ADAP1: variants seen among roughly 807,000 people sequenced by gnomAD.
ADAP1 encodes the protein ArfGAP with dual PH domains 1.
In ADAP1, 31 loss-of-function variants were observed where a neutral mutation model predicts 54.9. That is an observed-to-expected ratio of 0.56 (90% confidence interval 0.42 to 0.76). The LOEUF (loss-of-function observed/expected upper bound fraction) is 0.76. Ranked by LOEUF, ADAP1 falls within the 30% of genes least tolerant of loss-of-function variation. ADAP1 has a pLI of 0.00. For missense variants in ADAP1, 535 were observed against 512.4 expected, an observed-to-expected ratio of 1.04 and a Z score of -0.42; for synonymous variants, 313 against 202.6, an observed-to-expected ratio of 1.55 and a Z score of -4.63.
chr7:942,461 G>C (rs62640533), intron 1 of ADAP1, among the ~76,000 whole-genome samples: 152 of 60,754 alleles, frequency 2.5e-3, no homozygotes, highest in Middle Eastern at 9.1e-3. Context: ...AAGGGAGAGA[G>C]GAGGAGGAAG....
At chr7:950,945 T>C (rs1344054770) in intron 1 of ADAP1, among the ~76,000 whole-genome samples, 1 of 150,902 alleles carries the variant, frequency 6.6e-6, no homozygotes, top group Non-Finnish European at 1.5e-5. Flanking sequence ...GGAGCCCTTG[T>C]TGAATGGGGA....
intron 4 of ADAP1, chr7:905,675 G>GAGAAAGGA (rs374086783): frequency 1.5e-5 from 1 of 68,680 alleles, no homozygotes; most frequent in African/African-American, 8.6e-5. Flanking sequence ...AAGGAGAAAG[G>GAGAAAGGA]GAAAGGAGAA....
chr7:912,626 C>A (rs551868372), intron 4 of ADAP1, among the ~76,000 whole-genome samples: 1 of 152,224 alleles, frequency 6.6e-6, no homozygotes, highest in Non-Finnish European at 1.5e-5. Context: ...GGAGACACAG[C>A]GGCCACAGAG....
chr7:904,044 A>G (rs1844959347), intron 6 of ADAP1, 82 bp downstream of exon 6: 1 of 1,582,926 alleles, frequency 6.3e-7, no homozygotes, highest in Non-Finnish European at 8.6e-7. Flanking sequence ...CGTACCGTCC[A>G]AGCACCCACC....
At position 921,825 on chromosome 7, in the gene ADAP1, G is replaced by A. The variant is rs893875560; in HGVS notation, c.306-1775C>T. Among the ~76,000 whole-genome samples, 7 of 152,216 alleles carry A rather than the reference G, an allele frequency of 4.6e-5. No individual in the cohort carries two copies. In the South Asian group the frequency reaches 1.2e-3, roughly 27 times the overall value. On this transcript the variant is annotated intron_variant, in intron 3 of 10. Transcript: ENST00000265846. ...AAGGCCGCATGTGTGGAAGCCGGGG[G>A]CCTGTGGATGAGAGGCAGGTGCCAG...
chr7:914,662 T>A (rs531640386), intron 4 of ADAP1, among the ~76,000 whole-genome samples: 1 of 151,850 alleles, frequency 6.6e-6, no homozygotes, highest in African/African-American at 2.4e-5. Context: ...GAACCTAGGG[T>A]TCCAAATAGC....
At chr7:941,842 C>G (rs530235589) in intron 1 of ADAP1, among the ~76,000 whole-genome samples, 1 of 152,184 alleles carries the variant, frequency 6.6e-6, no homozygotes, top group African/African-American at 2.4e-5. Context: ...GCTAAAACAA[C>G]TTAGAAAAAA....
At chr7:952,273 G>C (rs575347309) in intron 1 of ADAP1, among the ~76,000 whole-genome samples, 2 of 152,184 alleles carry the variant, frequency 1.3e-5, no homozygotes, top group Non-Finnish European at 1.5e-5. Flanking sequence ...CCAGTGGGTG[G>C]GGCCTGCTCA....
chr7:941,502 A>G (rs1846937941), intron 1 of ADAP1, among the ~76,000 whole-genome samples: 4 of 152,236 alleles, frequency 2.6e-5, no homozygotes, highest in Non-Finnish European at 4.4e-5. Context: ...TTGTATTTCT[A>G]TACACTAGCA....
chr7:936,968 G>A (rs1194865089), intron 1 of ADAP1, among the ~76,000 whole-genome samples: 2 of 152,242 alleles, frequency 1.3e-5, no homozygotes, highest in Non-Finnish European at 2.9e-5. Context: ...GCTGGGCCTG[G>A]GCTCTGAGTC....
chr7:938,166 T>G lies in ADAP1; in HGVS notation c.83-2661A>C, dbSNP rs1045401589. ...TTGTTTGGTTTTGCGGGGTTTTTTT[T>G]GTCTTGTATTGTATTGTTTTGTTTT... On this transcript the variant is annotated intron_variant, in intron 1 of 10. Coordinates refer to ENST00000265846, the MANE Select transcript of ADAP1 (RefSeq NM_006869.4). The surrounding 1 kb of genome is among the most constrained non-coding windows in gnomAD (Gnocchi z 4.4). 6.6e-6 allele frequency among the ~76,000 whole-genome samples: 1 copy of G among 152,014 alleles called. No individual in the cohort carries two copies. The highest frequency in any genetic ancestry group is 1.5e-5 in the Non-Finnish European group (1 of 68,014).
intron 1 of ADAP1, 98 bp from the exon 2 acceptor site, chr7:935,603 G>T: frequency 1.4e-6 from 2 of 1,458,272 alleles, no homozygotes; most frequent in Non-Finnish European, 1.8e-6. Flanking sequence ...CCATGCAGTG[G>T]GGGGGGCTTC....
chr7:898,268 T>C lies in ADAP1; in HGVS notation c.*653A>G, dbSNP rs950318508. ...TCGTCCCCAAGGGTTCAGACACCAC[T>C]GTCGGCGAGCACCGTGCTGGGCGCA... On this transcript the variant is annotated 3_prime_UTR_variant, in exon 11 of 11. Coordinates refer to ENST00000265846, the MANE Select transcript of ADAP1 (RefSeq NM_006869.4). 1 of 156,612 alleles carries C rather than the reference T, an allele frequency of 6.4e-6. No individual in the cohort carries two copies. Among genetic ancestry groups the C allele is most frequent in the Non-Finnish European group, 1.4e-5 (1 of 70,692 alleles). The allele number at this position is 156,612 out of a possible 1,614,324, so 9.7% of individuals were successfully genotyped here.
At chr7:955,129 G>A, upstream of ADAP1, 1 of 622,326 alleles carries the variant, frequency 1.6e-6, no homozygotes, top group South Asian at 1.9e-5. Context: ...GGGCACTGAG[G>A]CCACACAGGG....
In ADAP1 at chr7:946,470, G is replaced by C. The variant is rs919002486; in HGVS notation, c.82+7926C>G. 6.6e-6 allele frequency among the ~76,000 whole-genome samples: 1 copy of C among 152,092 alleles called. No homozygotes were observed. The highest frequency in any genetic ancestry group is 6.5e-5 in the Admixed American group (1 of 15,278). ...TGGCCCCTACCCGGTTCAGGGACACGTGCCCCTCTCCTGGATCCCTCCCAG... is the reference window on the plus strand; with the variant it reads ...TGGCCCCTACCCGGTTCAGGGACACCTGCCCCTCTCCTGGATCCCTCCCAG... On this transcript the variant is annotated intron_variant, in intron 1 of 10. Coordinates refer to ENST00000265846, the MANE Select transcript of ADAP1 (RefSeq NM_006869.4). This position sits in a 1 kb window ranked among gnomAD's most constrained non-coding sequence, Gnocchi z 4.3.
At chr7:943,917 C>CTATTAT (rs536941195) in intron 1 of ADAP1, among the ~76,000 whole-genome samples, 3,153 of 151,300 alleles carry the variant, frequency 0.021, 43 homozygotes, top group Non-Finnish European at 0.025. Flanking sequence ...AGAATTATTA[C>CTATTAT]TATTATTATT....
At chr7:915,064 G>A (rs1025628886) in intron 4 of ADAP1, among the ~76,000 whole-genome samples, 6 of 143,966 alleles carry the variant, frequency 4.2e-5, no homozygotes, top group South Asian at 2.2e-4. Context: ...TGCCTCCTGC[G>A]CGACCTGGAA....
chr7:898,610 G>A lies in ADAP1; in HGVS notation c.*311C>T, dbSNP rs1844620428. ...CCGTGGTGGGCGGCTCCTGGGGGCTGTGTCTGAGCTCGGGAGCCAGACTGG... is the reference window on the plus strand; with the variant it reads ...CCGTGGTGGGCGGCTCCTGGGGGCTATGTCTGAGCTCGGGAGCCAGACTGG... On this transcript the variant is annotated 3_prime_UTR_variant, in exon 11 of 11. Coordinates refer to ENST00000265846, the MANE Select transcript of ADAP1 (RefSeq NM_006869.4). 2 of 461,478 alleles carry A rather than the reference G, an allele frequency of 4.3e-6. No homozygotes were observed. The highest frequency in any genetic ancestry group is 8.5e-5 in the East Asian group (2 of 23,630). The allele number at this position is 461,478 out of a possible 1,614,324, so 28.6% of individuals were successfully genotyped here.
At chr7:932,799 G>A (rs780071963) in intron 2 of ADAP1, among the ~76,000 whole-genome samples, 6 of 152,208 alleles carry the variant, frequency 3.9e-5, no homozygotes, top group Admixed American at 1.3e-4. Flanking sequence ...AAGGTGGGCC[G>A]GGGTCCTGAG....
Sources: allele counts gnomAD v4.1 joint callset (sites outside exome capture counted in the v4.1 genomes callset), GRCh38; gene constraint gnomAD v4.1.1; non-coding constraint Gnocchi (gnomAD v3.1); transcripts MANE v1.5; gene names NCBI Gene and HGNC (gene_info 2026-07-23, HGNC 2026-07-21).